DPYSL2: variants seen among roughly 807,000 people sequenced by gnomAD.
DPYSL2 encodes the protein dihydropyrimidinase like 2, also known as dihydropyrimidinase-related protein 2.
A neutral mutation model predicts 69.9 loss-of-function variants in DPYSL2; 13 were observed. The ratio of observed to expected loss-of-function variants is 0.19; its 90% CI spans 0.12 to 0.30. DPYSL2 has a LOEUF of 0.30. Among genes scored for constraint, DPYSL2 ranks in the 10% least tolerant of loss-of-function variants. The probability of loss-of-function intolerance (pLI) is 1.00; values close to 1 mark genes in which losing one functional copy is unlikely to be tolerated. For synonymous variants in DPYSL2, 326 were observed against 359.1 expected, an observed-to-expected ratio of 0.91 and a Z score of 1.04; for missense variants, 587 against 918.9, an observed-to-expected ratio of 0.64 and a Z score of 4.67.
At chr8:26,575,054 C>T (rs1158110677) in intron 1 of DPYSL2, among the ~76,000 whole-genome samples, 1 of 152,264 alleles carries the variant, frequency 6.6e-6, no homozygotes, top group East Asian at 1.9e-4. Flanking sequence ...CTGCCTCAGC[C>T]TCCCGAATGG....
intron 3 of DPYSL2, among the ~76,000 whole-genome samples, chr8:26,599,035 G>A (rs555546454): frequency 6.6e-6 from 1 of 152,342 alleles, no homozygotes; most frequent in South Asian, 2.1e-4. Flanking sequence ...GCTGGAGAAG[G>A]CCTGTTGTCC....
chr8:26,605,305 T>A lies in DPYSL2; in HGVS notation c.629-18838T>A, dbSNP rs1033269080. Among the ~76,000 whole-genome samples, 19 of 151,970 alleles carry A rather than the reference T, an allele frequency of 1.3e-4. No individual in the cohort carries two copies. The highest frequency in any genetic ancestry group is 4.6e-4 in the African/African-American group (19 of 41,376). On this transcript the variant is annotated intron_variant, in intron 3 of 13. Transcript: ENST00000521913. This position sits in a 1 kb window ranked among gnomAD's most constrained non-coding sequence, Gnocchi z 4.1. ...TAATAATGGGGAGAAAATATAAGAT[T>A]ATTACTATTTTTTTTTATTGCCCAG...
intron 8 of DPYSL2, among the ~76,000 whole-genome samples, chr8:26,639,775 T>C (rs1261569078): frequency 1.3e-5 from 2 of 152,186 alleles, no homozygotes; most frequent in Non-Finnish European, 2.9e-5. Flanking sequence ...ATATTTTCTG[T>C]GTCTCTATTG....
In DPYSL2 at chr8:26,655,016, A is replaced by AT. The variant is rs896885899; in HGVS notation, c.1943-587dup. Among the ~76,000 whole-genome samples the AT allele has an allele frequency of 7.9e-3, 1,154 of 145,442 alleles. 8 individuals carry two copies. The highest frequency in any genetic ancestry group is 0.02 in the African/African-American group (799 of 39,842). On this transcript the variant is annotated intron_variant, in intron 13 of 13. Transcript: ENST00000521913. The stretch of plus-strand genomic sequence containing the variant: ...ACCATCACGCCTGGCTAATTTTTTA[A>AT]TTTTTTTTTTTTGTAGAGATAGGCT...
chr8:26,578,636 T>TG (rs1204165634), intron 1 of DPYSL2: 26 of 1,140,884 alleles, frequency 2.3e-5, no homozygotes, highest in Non-Finnish European at 2.8e-5. Flanking sequence ...TATGCATGCC[T>TG]GGAGCTCGGA....
At chr8:26,600,238 G>A (rs777612550) in intron 3 of DPYSL2, among the ~76,000 whole-genome samples, 14 of 152,180 alleles carry the variant, frequency 9.2e-5, no homozygotes, top group Admixed American at 2.6e-4. Flanking sequence ...AAGCATTTGC[G>A]TGGGCGTGTG....
intron 7 of DPYSL2, among the ~76,000 whole-genome samples, chr8:26,633,763 A>G (rs2129938357): frequency 6.6e-6 from 1 of 152,286 alleles, no homozygotes; most frequent in African/African-American, 2.4e-5. Flanking sequence ...GGTGTGAGCC[A>G]CCACACTGAC....
chr8:26,641,668 C>T lies in DPYSL2; in HGVS notation c.1127-1771C>T, dbSNP rs890777122. Among the ~76,000 whole-genome samples the T allele has an allele frequency of 2.6e-5, 4 of 152,220 alleles. No individual in the cohort carries two copies. Among genetic ancestry groups the T allele is most frequent in the African/African-American group, 4.8e-5 (2 of 41,464 alleles). Reference sequence around the variant, plus strand: ...GAGCAGGCCAGGAGCCAAGGGGACCCTCCTAGGCCTTCCGAGCACCTAGCA... The same window carrying T: ...GAGCAGGCCAGGAGCCAAGGGGACCTTCCTAGGCCTTCCGAGCACCTAGCA... On this transcript the variant is annotated intron_variant, in intron 8 of 13. Coordinates refer to ENST00000521913, the MANE Select transcript of DPYSL2 (RefSeq NM_001197293.3). The surrounding 1 kb of genome is among the most constrained non-coding windows in gnomAD (Gnocchi z 4.1).
At chr8:26,574,163 A>G (rs995164798) in intron 1 of DPYSL2, among the ~76,000 whole-genome samples, 1 of 152,170 alleles carries the variant, frequency 6.6e-6, no homozygotes. Context: ...AGGATGGGGA[A>G]AACTTCATAG....
chr8:26,634,998 C>G (rs2129943356), intron 8 of DPYSL2, 98 bp downstream of exon 8: 1 of 1,521,136 alleles, frequency 6.6e-7, no homozygotes, highest in East Asian at 2.3e-5. Flanking sequence ...ACCCTCATGC[C>G]AAGTGGGCCA....
intron 11 of DPYSL2, among the ~76,000 whole-genome samples, chr8:26,649,026 A>G (rs1254431593): frequency 6.6e-6 from 1 of 152,250 alleles, no homozygotes; most frequent in African/African-American, 2.4e-5. Flanking sequence ...TTTTATGGTC[A>G]GGGATCCTAG....
At chr8:26,558,636 G>T (rs960484431) in intron 1 of DPYSL2, among the ~76,000 whole-genome samples, 31 of 152,284 alleles carry the variant, frequency 2.0e-4, no homozygotes, top group African/African-American at 7.5e-4. Flanking sequence ...TGTAACATAT[G>T]TATCACACTA....
Position 26,587,794 on chromosome 8 carries a change from A to G in DPYSL2, c.628+3811A>G, listed in dbSNP as rs184712171. Among the ~76,000 whole-genome samples the G allele has an allele frequency of 9.7e-4, 147 of 151,948 alleles. 1 individual carries two copies. The highest frequency in any genetic ancestry group is 1.3e-3 in the Non-Finnish European group (88 of 67,956). ...GCGGCCGCATTGCTGCTTGGGGAAA[A>G]CCCTACGGACTTCCCAGGGCCTTCA... On this transcript the variant is annotated intron_variant, in intron 3 of 13. Transcript: ENST00000521913. This position sits in a 1 kb window ranked among gnomAD's most constrained non-coding sequence, Gnocchi z 4.2.
chr8:26,553,222 T>A (rs1800896722), intron 1 of DPYSL2, among the ~76,000 whole-genome samples: 1 of 152,192 alleles, frequency 6.6e-6, no homozygotes, highest in South Asian at 2.1e-4. Flanking sequence ...AACCAAATAA[T>A]TTTTTAAACT....
Position 26,605,263 on chromosome 8 carries a change from C to A in DPYSL2, c.629-18880C>A, listed in dbSNP as rs925268918. Among the ~76,000 whole-genome samples, 1 of 151,824 alleles carries A rather than the reference C, an allele frequency of 6.6e-6. No homozygotes were observed. The highest frequency in any genetic ancestry group is 1.5e-5 in the Non-Finnish European group (1 of 67,974). The stretch of plus-strand genomic sequence containing the variant: ...ATATGTTAGCCAGTGTAATAAGATA[C>A]GAAAAATAAGAAGTAATAATAATGG... On this transcript the variant is annotated intron_variant, in intron 3 of 13. Transcript: ENST00000521913. This position sits in a 1 kb window ranked among gnomAD's most constrained non-coding sequence, Gnocchi z 4.1.
chr8:26,557,787 A>AAAACAAACAAAC (rs369417683), intron 1 of DPYSL2, among the ~76,000 whole-genome samples: 2 of 151,740 alleles, frequency 1.3e-5, no homozygotes, highest in Admixed American at 1.3e-4. Flanking sequence ...GACTTTTTCT[A>AAAACAAACAAAC]AAACAAACAA....
chr8:26,554,955 G>T (rs1204867465), intron 1 of DPYSL2, among the ~76,000 whole-genome samples: 4 of 152,148 alleles, frequency 2.6e-5, no homozygotes, highest in Admixed American at 2.6e-4. Context: ...GTTTACAAGA[G>T]TGGTTCAACA....
Position 26,579,954 on chromosome 8 carries a change from G to GC in DPYSL2, c.355-2004dup, listed in dbSNP as rs56385974. Among the ~76,000 whole-genome samples, 684 of 122,506 alleles carry GC rather than the reference G, an allele frequency of 5.6e-3. 11 individuals are homozygous for GC. The highest frequency in any genetic ancestry group is 7.0e-3 in the Non-Finnish European group (428 of 60,736). 80.4% of individuals were successfully genotyped at this position (122,506 alleles called of 152,430 possible). A position where few individuals can be genotyped will look rare whatever the true frequency, so the allele number is the denominator to read the frequency against. On this transcript the variant is annotated intron_variant, in intron 1 of 13. Transcript: ENST00000521913. Reference sequence around the variant, plus strand: ...TTTTTTTTTTTTTTTTTTAAAGAGCGCCCCCCCCCCCACACCCTTTAAAAA... The same window carrying GC: ...TTTTTTTTTTTTTTTTTTAAAGAGCGCCCCCCCCCCCCACACCCTTTAAAAA...
intron 1 of DPYSL2, among the ~76,000 whole-genome samples, chr8:26,570,714 A>G (rs1167195477): frequency 2.8e-5 from 4 of 144,628 alleles, no homozygotes; most frequent in Non-Finnish European, 4.5e-5. Flanking sequence ...AGTCTGGACA[A>G]CAGAGTGAGA....
Sources: allele counts gnomAD v4.1 joint callset (sites outside exome capture counted in the v4.1 genomes callset), GRCh38; gene constraint gnomAD v4.1.1; non-coding constraint Gnocchi (gnomAD v3.1); transcripts MANE v1.5; gene names NCBI Gene and HGNC (gene_info 2026-07-23, HGNC 2026-07-21).